STOX2: variants seen among roughly 807,000 people sequenced by gnomAD.
STOX2 encodes the protein storkhead box 2.
Under a neutral mutation model 60.9 loss-of-function variants are expected in STOX2, and 28 were observed. That is an observed-to-expected ratio of 0.46 (90% CI 0.34 to 0.63). The LOEUF is 0.63. Among genes scored for constraint, STOX2 ranks in the 30% least tolerant of loss-of-function variants. The pLI is 0.01. For synonymous variants in STOX2, 472 were observed against 463.9 expected (o/e 1.02, Z -0.22); for missense variants, 1,024 against 1,187.7 (o/e 0.86, Z 2.03).
chr4:183,938,174 A>C (rs6814516), intron 1 of STOX2, among the ~76,000 whole-genome samples: 93,089 of 152,024 alleles, frequency 0.61, 29,994 homozygotes, highest in Non-Finnish European at 0.72. Context: ...ACAGTTCTGA[A>C]CTTGCTGAAA....
intron 1 of STOX2, among the ~76,000 whole-genome samples, chr4:183,970,939 A>G (rs1369027059): frequency 1.3e-5 from 2 of 152,232 alleles, no homozygotes; most frequent in Non-Finnish European, 2.9e-5. Context: ...ATGACATACT[A>G]ATATATATGA....
chr4:184,009,145 T>TC lies in STOX2; in HGVS notation c.320-13_320-12insC, dbSNP rs1385807925. Reference sequence around the variant, plus strand: ...TTCATTCTCACAAGTGGTTTTTTTTTTTTTTTTTTCAGGTGTTCCAACGCC... The same window carrying TC: ...TTCATTCTCACAAGTGGTTTTTTTTTCTTTTTTTTTCAGGTGTTCCAACGCC... On this transcript the variant is annotated splice_polypyrimidine_tract_variant and intron_variant, in intron 2 of 3. Coordinates refer to ENST00000308497, the MANE Select transcript of STOX2 (RefSeq NM_020225.3). The surrounding 1 kb of genome is among the most constrained non-coding windows in gnomAD (Gnocchi z 4.0). 1.5e-5 allele frequency: 22 copies of TC among 1,425,244 alleles called. 1 individual carries two copies. The highest frequency in any genetic ancestry group is 1.9e-5 in the Non-Finnish European group (20 of 1,072,084). 88.3% of individuals were successfully genotyped at this position (1,425,244 alleles called of 1,614,324 possible).
intron 1 of STOX2, among the ~76,000 whole-genome samples, chr4:183,999,643 C>T (rs950656777): frequency 6.6e-6 from 1 of 152,186 alleles, no homozygotes; most frequent in African/African-American, 2.4e-5. Flanking sequence ...CACTGGAGTC[C>T]TGCTGCTTCC....
intron 1 of STOX2, among the ~76,000 whole-genome samples, chr4:183,900,268 C>T (rs184170483): frequency 1.2e-4 from 18 of 152,298 alleles, no homozygotes; most frequent in Admixed American, 1.1e-3. Context: ...GATAACACAA[C>T]GTCCTTTTGC....
rs114072593 is a variant in STOX2 at position 183,840,383 on chromosome 4, G to A, written c.364+42328G>A. Among the ~76,000 whole-genome samples the A allele has an allele frequency of 5.8e-3, 887 of 152,192 alleles. 10 individuals carry two copies. Among genetic ancestry groups the A allele is most frequent in the African/African-American group, 0.021 (863 of 41,516 alleles). ...TGTTCTCTGAAGGAGGAATTCTCTC[G>A]GTAATTTCTGAGCCCTTCTTTAGGT... On this transcript the variant is annotated intron_variant, in intron 1 of 2. Coordinates refer to the STOX2 transcript ENST00000513034.
chr4:183,963,821 G>A (rs951862855), intron 1 of STOX2, among the ~76,000 whole-genome samples: 4 of 150,794 alleles, frequency 2.7e-5, no homozygotes, highest in Non-Finnish European at 5.9e-5. Flanking sequence ...TGTCACCCAG[G>A]CTGGAGTGCA....
intron 1 of STOX2, among the ~76,000 whole-genome samples, chr4:183,810,426 G>A (rs1739008616): frequency 6.6e-6 from 1 of 152,308 alleles, no homozygotes; most frequent in Admixed American, 6.5e-5. Flanking sequence ...GTAGGGGAGA[G>A]AAATTAGGCT....
chr4:183,928,140 C>G (rs921442924), intron 1 of STOX2, among the ~76,000 whole-genome samples: 1 of 152,080 alleles, frequency 6.6e-6, no homozygotes, highest in Non-Finnish European at 1.5e-5. Flanking sequence ...CTTTTTTTCC[C>G]AACAGATTGG....
intron 1 of STOX2, among the ~76,000 whole-genome samples, chr4:183,863,740 A>G (rs1358856694): frequency 6.6e-6 from 1 of 152,258 alleles, no homozygotes; most frequent in Non-Finnish European, 1.5e-5. Flanking sequence ...ATATTTACAT[A>G]GAAAAGAGTC....
At chr4:183,999,056 A>T (rs142749856) in intron 1 of STOX2, among the ~76,000 whole-genome samples, 2 of 152,300 alleles carry the variant, frequency 1.3e-5, no homozygotes, top group African/African-American at 4.8e-5. Flanking sequence ...AAAAGCAAAC[A>T]AACAAAAAAA....
intron 1 of STOX2, among the ~76,000 whole-genome samples, chr4:183,816,310 A>G (rs951145280): frequency 3.3e-5 from 5 of 152,268 alleles, no homozygotes; most frequent in Admixed American, 6.5e-5. Flanking sequence ...ATGGAATACT[A>G]TGCAGCCATA....
chr4:183,898,074 T>G (rs1216397963), intron 1 of STOX2, among the ~76,000 whole-genome samples: 2 of 152,202 alleles, frequency 1.3e-5, no homozygotes, highest in African/African-American at 2.4e-5. Flanking sequence ...TTTTTAATAT[T>G]TAAATTTGTA....
intron 2 of STOX2, among the ~76,000 whole-genome samples, chr4:184,006,726 T>G (rs1211411440): frequency 6.7e-6 from 1 of 148,554 alleles, no homozygotes; most frequent in Non-Finnish European, 1.5e-5. Flanking sequence ...AAAAATTCAT[T>G]TCTATTTTGT....
chr4:183,998,828 C>T (rs1019823622), intron 1 of STOX2, among the ~76,000 whole-genome samples: 2 of 152,138 alleles, frequency 1.3e-5, no homozygotes, highest in African/African-American at 4.8e-5. Flanking sequence ...AGGTGTGAGC[C>T]ACCATGCCCA....
chr4:183,883,359 G>A (rs544865816), intron 1 of STOX2, among the ~76,000 whole-genome samples: 28 of 145,320 alleles, frequency 1.9e-4, no homozygotes, highest in Non-Finnish European at 4.0e-4. Flanking sequence ...TCGCTCTGTC[G>A]CCCAGGCTGG....
rs750518818 is a variant in STOX2, at chr4:183,855,936, G to A, written c.364+57881G>A. Among the ~76,000 whole-genome samples, 96 of 152,292 alleles carry A rather than the reference G, an allele frequency of 6.3e-4. No homozygotes were observed. The Middle Eastern group carries it at 0.031, about 49-fold the overall frequency. On this transcript the variant is annotated intron_variant, in intron 1 of 2. Transcript: ENST00000513034. ...CTGATAGGAATCTTCTGCCTATGGTGCACATTCGGAGAATGCTCTGGCCAC... is the reference window on the plus strand; with the variant it reads ...CTGATAGGAATCTTCTGCCTATGGTACACATTCGGAGAATGCTCTGGCCAC...
At chr4:183,944,132 A>G (rs1242900013) in intron 1 of STOX2, among the ~76,000 whole-genome samples, 1 of 152,224 alleles carries the variant, frequency 6.6e-6, no homozygotes, top group Non-Finnish European at 1.5e-5. Context: ...AGTTGGGGAC[A>G]CTTCACAGAG....
rs73002674 is a variant in STOX2 at position 183,962,395 on chromosome 4, G to T, written c.167-38930G>T. The stretch of plus-strand genomic sequence containing the variant: ...TAGTATGTCTCTGTGGTCAGATTAT[G>T]ATATGGCAAAATCTTCATTATTAAG... On this transcript the variant is annotated intron_variant, in intron 1 of 3. Transcript: ENST00000308497. Among the ~76,000 whole-genome samples, 412 of 152,076 alleles carry T rather than the reference G, an allele frequency of 2.7e-3. 2 individuals are homozygous for T. The highest frequency in any genetic ancestry group is 9.6e-3 in the African/African-American group (398 of 41,486).
Position 184,017,177 on chromosome 4 carries a change from G to A in STOX2, c.2674G>A (p.Ala892Thr), listed in dbSNP as rs1734409647. The A allele has an allele frequency of 6.2e-7, 1 of 1,613,172 alleles. No homozygotes were observed. Among genetic ancestry groups the A allele is most frequent in the African/African-American group, 1.3e-5 (1 of 74,910 alleles). Residue 892 changes from alanine to threonine, a missense_variant, in exon 4 of 4, where the codon GCT becomes ACT. Around this residue, in one of 3 missense-constraint regions of STOX2, gnomAD observed 922 missense variants for 1,058.3 expected, o/e 0.87. Coordinates refer to ENST00000308497, the MANE Select transcript of STOX2 (RefSeq NM_020225.3). ...CGCTTTGAGCCCGGCCCATGGTGGA[G>A]CTGGTCCAGCCTTCAACTTCCGAGC... ...NPALSPAHGG[A>T]GPAFNFRASA... is the part of the protein sequence containing the mutation.
Sources: allele counts gnomAD v4.1 joint callset (sites outside exome capture counted in the v4.1 genomes callset), GRCh38; gene constraint gnomAD v4.1.1; regional missense constraint gnomAD v4.1.1; non-coding constraint Gnocchi (gnomAD v3.1); transcripts MANE v1.5; gene names NCBI Gene and HGNC (gene_info 2026-07-23, HGNC 2026-07-21).